Variants in CACNA1A observed in about 807,000 individuals in gnomAD.
The protein encoded by CACNA1A is calcium voltage-gated channel subunit alpha1 A, also known as voltage-dependent P/Q-type calcium channel subunit alpha-1A.
In CACNA1A, 57 loss-of-function variants were observed where a neutral mutation model predicts 262.4. That is an observed-to-expected ratio of 0.22 (90% CI 0.18 to 0.27). The LOEUF is 0.27. Among genes scored for constraint, CACNA1A ranks in the 10% least tolerant of loss-of-function variants. CACNA1A has a pLI of 1.00. For synonymous variants in CACNA1A, 1,431 were observed against 1,419.3 expected (o/e 1.01, Z -0.18); for missense variants, 2,526 against 3,562.8 (o/e 0.71, Z 7.41).
rs1315508107 is a variant in CACNA1A, at chr19:13,207,411, C to A, written c.7423G>T (p.Gly2475Cys). 1.3e-6 allele frequency: 2 copies of A among 1,532,876 alleles called. No homozygotes were observed. Among genetic ancestry groups the A allele is most frequent in the Non-Finnish European group, 1.7e-6 (2 of 1,145,146 alleles). 95.0% of individuals were successfully genotyped at this position (1,532,876 alleles called of 1,614,324 possible). ...PSRHGRRLPN[G>C]YYPAHGLARP... ...GCCAGTCCGTGCGCCGGGTAGTAGC[C>A]GTTGGGGAGTCGCCGGCCGTGCCGA... Residue 2475 changes from glycine to cysteine, a missense_variant, in exon 47 of 47, where the codon GGC (glycine) becomes TGC (cysteine). Transcript: ENST00000360228. This position sits in a 1 kb window ranked among gnomAD's most constrained non-coding sequence, Gnocchi z 5.7.
At chr19:13,436,118 C>T (rs912402222) in intron 3 of CACNA1A, among the ~76,000 whole-genome samples, 1 of 152,188 alleles carries the variant, frequency 6.6e-6, no homozygotes, top group Non-Finnish European at 1.5e-5. Flanking sequence ...AGCCACCGTG[C>T]CTGGCCTGCC....
intron 38 of CACNA1A, among the ~76,000 whole-genome samples, chr19:13,217,153 ACAAAACCAAAAC>A (rs1183010125): frequency 6.6e-6 from 1 of 152,068 alleles, no homozygotes; most frequent in Non-Finnish European, 1.5e-5. Flanking sequence ...TACAAAACAA[ACAAAACCAAAAC>A]CAAAATAGAG....
chr19:13,441,830 T>C (rs1180354848), intron 3 of CACNA1A, among the ~76,000 whole-genome samples: 2 of 152,054 alleles, frequency 1.3e-5, no homozygotes, highest in Non-Finnish European at 2.9e-5. Flanking sequence ...AGATGCCCCT[T>C]GGAGGCAGGC....
chr19:13,447,194 A>G (rs1040923184), intron 3 of CACNA1A, among the ~76,000 whole-genome samples: 3 of 151,778 alleles, frequency 2.0e-5, no homozygotes, highest in African/African-American at 7.3e-5. Context: ...TACAGACCAG[A>G]AAAAAAAATA....
At chr19:13,484,572 G>T (rs1979751574) in intron 1 of CACNA1A, among the ~76,000 whole-genome samples, 1 of 152,190 alleles carries the variant, frequency 6.6e-6, no homozygotes, top group African/African-American at 2.4e-5. Flanking sequence ...TTCCCTGAAT[G>T]AGTGAAATCA....
Position 13,298,707 on chromosome 19 carries a change from T to C in CACNA1A, c.2926A>G (p.Arg976Gly). 2 of 1,462,858 alleles carry C rather than the reference T, an allele frequency of 1.4e-6. No individual in the cohort carries two copies. The highest frequency in any genetic ancestry group is 9.0e-7 in the Non-Finnish European group (1 of 1,111,876). 90.6% of individuals were successfully genotyped at this position (1,462,858 alleles called of 1,614,324 possible). Residue 976 changes from arginine (R) to glycine (G), a missense_variant, in exon 19 of 47, where the codon AGG (arginine) becomes GGG (glycine). By Grantham distance (125) the Arg-to-Gly change is moderately radical. Transcript: ENST00000360228. ...EEGPEDKAER[R>G]ARHREGSRPA... ...CGGCTGCCCTCGCGGTGCCGCGCCC[T>C]CCGCTCCGCCTTGTCCTCCGGACCC... is the stretch of plus-strand genomic sequence containing the variant.
intron 3 of CACNA1A, among the ~76,000 whole-genome samples, chr19:13,398,932 G>A (rs560425475): frequency 2.0e-5 from 3 of 152,340 alleles, no homozygotes; most frequent in African/African-American, 7.2e-5. Flanking sequence ...AGGGAGGCCA[G>A]GCTTGAGCCT....
At chr19:13,449,652 T>C (rs1388379540) in intron 3 of CACNA1A, among the ~76,000 whole-genome samples, 1 of 152,216 alleles carries the variant, frequency 6.6e-6, no homozygotes, top group African/African-American at 2.4e-5. Context: ...GTGTAAACTA[T>C]TCTCACTCTG....
chr19:13,406,514 A>G lies in CACNA1A; in HGVS notation c.540-34735T>C, dbSNP rs1276141890. 6.5e-5 allele frequency among the ~76,000 whole-genome samples: 5 copies of G among 77,324 alleles called. 1 individual carries two copies. The Admixed American group carries it at 7.0e-4, about 11-fold the overall frequency. 50.7% of individuals were successfully genotyped at this position (77,324 alleles called of 152,430 possible). The stretch of plus-strand genomic sequence containing the variant: ...ATATATATATATATATATATATATG[A>G]AGGGAATCTGATCCCTAACATTAGT... On this transcript the variant is annotated intron_variant, in intron 3 of 46. Transcript: ENST00000360228.
intron 21 of CACNA1A, 31 bp downstream of exon 21, chr19:13,285,037 C>G (rs111602970): frequency 4.9e-5 from 79 of 1,612,184 alleles, no homozygotes; most frequent in Non-Finnish European, 5.3e-5. Context: ...AGCCCCAGGC[C>G]CCCCCTGCCC....
At chr19:13,227,391 C>A in intron 37 of CACNA1A, 40 bp downstream of exon 37, 1 of 991,730 alleles carries the variant, frequency 1.0e-6, no homozygotes, top group Non-Finnish European at 1.5e-6. Context: ...GAAAAAAAAA[C>A]CCAGTGCCTG....
At chr19:13,330,424 T>A in intron 9 of CACNA1A, 91 bp from the exon 10 acceptor site, 1 of 897,272 alleles carries the variant, frequency 1.1e-6, no homozygotes, top group Non-Finnish European at 1.8e-6. Context: ...GATTTAACTC[T>A]CACGGCAACT....
intron 3 of CACNA1A, among the ~76,000 whole-genome samples, chr19:13,440,312 T>G (rs945534218): frequency 2.0e-5 from 3 of 152,134 alleles, no homozygotes; most frequent in Non-Finnish European, 4.4e-5. Context: ...GGGGTGACAA[T>G]GAATCCCTTT....
chr19:13,295,517 G>A (rs2057647523), intron 19 of CACNA1A, among the ~76,000 whole-genome samples: 1 of 147,064 alleles, frequency 6.8e-6, no homozygotes, highest in African/African-American at 2.5e-5. Flanking sequence ...TTTGAGACAA[G>A]GACTTGTTCT....
At chr19:13,431,398 GA>G (rs1207367438) in intron 3 of CACNA1A, among the ~76,000 whole-genome samples, 5 of 152,060 alleles carry the variant, frequency 3.3e-5, no homozygotes, top group Admixed American at 2.0e-4. Context: ...AGGGGGTGGA[GA>G]AAAAGAGGCA....
At chr19:13,257,298 A>G in intron 28 of CACNA1A, 52 bp downstream of exon 28, 1 of 1,474,518 alleles carries the variant, frequency 6.8e-7, no homozygotes. Context: ...TGTGTTTTAA[A>G]GTTTGTGTGT....
At chr19:13,495,387 C>G (rs1981379525) in intron 1 of CACNA1A, among the ~76,000 whole-genome samples, 1 of 152,126 alleles carries the variant, frequency 6.6e-6, no homozygotes, top group Non-Finnish European at 1.5e-5. Flanking sequence ...AGCTCCACCT[C>G]CCGGGTTCAT....
At chr19:13,233,643 A>C (rs1033511422) in intron 34 of CACNA1A, among the ~76,000 whole-genome samples, 1 of 152,008 alleles carries the variant, frequency 6.6e-6, no homozygotes, top group African/African-American at 2.4e-5. Flanking sequence ...GTGTGGCACT[A>C]TGCCCAGTTA....
chr19:13,320,727 T>A (rs1216531804), intron 10 of CACNA1A, among the ~76,000 whole-genome samples: 1 of 152,196 alleles, frequency 6.6e-6, no homozygotes, highest in Non-Finnish European at 1.5e-5. Flanking sequence ...GTTCCCTTTT[T>A]CTATACATTC....
Sources: gnomAD v4.1 joint callset for allele counts (sites outside exome capture counted in the v4.1 genomes callset) on GRCh38, gnomAD v4.1.1 for gene constraint, Gnocchi (gnomAD v3.1) non-coding constraint, MANE v1.5 for transcripts, NCBI Gene and HGNC (gene_info 2026-07-23, HGNC 2026-07-21) for gene names.